Variants in SCARB1 observed in about 807,000 individuals in gnomAD.
The protein encoded by SCARB1 is scavenger receptor class B member 1.
Under a neutral mutation model 57.2 loss-of-function variants are expected in SCARB1, and 30 were observed. The ratio of observed to expected loss-of-function variants is 0.52; its 90% CI spans 0.39 to 0.71. SCARB1 has a LOEUF of 0.71. Among genes scored for constraint, SCARB1 ranks in the 30% least tolerant of loss-of-function variants. SCARB1 has a pLI of 0.00. For synonymous variants in SCARB1, 249 were observed against 268.3 expected (o/e 0.93, Z 0.70); for missense variants, 543 against 671.2 (o/e 0.81, Z 2.11).
chr12:124,786,528 A>G, intron 10 of SCARB1, 25 bp from the exon 11 acceptor site: 1 of 1,613,502 alleles, frequency 6.2e-7, no homozygotes, highest in Non-Finnish European at 8.5e-7. Context: ...TGACAAACAC[A>G]TGAGCTGGGG....
At chr12:124,857,737 C>A (rs532876051) in intron 1 of SCARB1, among the ~76,000 whole-genome samples, 1 of 152,312 alleles carries the variant, frequency 6.6e-6, no homozygotes, top group South Asian at 2.1e-4. Context: ...AAAGGAGGTG[C>A]CGTTTATTGA....
At chr12:124,791,627 G>A (rs931567917) in intron 9 of SCARB1, among the ~76,000 whole-genome samples, 7 of 152,184 alleles carry the variant, frequency 4.6e-5, no homozygotes, top group South Asian at 2.1e-4. Context: ...AAGTCACTGA[G>A]GGGCGGTGAC....
At chr12:124,788,171 G>A (rs1949590492) in intron 9 of SCARB1, among the ~76,000 whole-genome samples, 1 of 152,196 alleles carries the variant, frequency 6.6e-6, no homozygotes, top group African/African-American at 2.4e-5. Flanking sequence ...GTGTTTCGAT[G>A]TGCTGCCAGA....
intron 1 of SCARB1, among the ~76,000 whole-genome samples, chr12:124,844,407 G>A (rs1369653556): frequency 6.6e-6 from 1 of 152,134 alleles, no homozygotes; most frequent in Non-Finnish European, 1.5e-5. Flanking sequence ...GAATCCTATA[G>A]GAAGGCATGG....
intron 1 of SCARB1, among the ~76,000 whole-genome samples, chr12:124,845,654 GA>G (rs1952115560): frequency 7.6e-6 from 1 of 131,098 alleles, no homozygotes; most frequent in African/African-American, 2.9e-5. Flanking sequence ...GCAGTGAGCC[GA>G]GATCACGCCA....
In SCARB1 at chr12:124,786,445, G is replaced by T. The variant is rs1254639828; in HGVS notation, c.1313C>A (p.Pro438His). The T allele has an allele frequency of 3.7e-6, 6 of 1,614,044 alleles. No individual in the cohort carries two copies. The African/African-American group carries it at 8.0e-5, about 22-fold the overall frequency. ...GTACTGGGCATAGTGCATCACCTTG[G>T]GCATCAACACCAGCTGAGTGTAGAA... ...HTFYTQLVLMPKVMHYAQYVL... is the reference protein window; with the variant it reads ...HTFYTQLVLMHKVMHYAQYVL... Residue 438 changes from proline (P) to histidine (H), a missense_variant, in exon 11 of 13, where the codon CCC becomes CAC. Pro to His is a moderately conservative substitution (Grantham distance 77, BLOSUM62 -2). Transcript: ENST00000261693.
At chr12:124,797,202 C>T (rs1481998435) in intron 8 of SCARB1, among the ~76,000 whole-genome samples, 1 of 152,166 alleles carries the variant, frequency 6.6e-6, no homozygotes, top group Non-Finnish European at 1.5e-5. Flanking sequence ...CTGGAAGCTC[C>T]AGCCTGGCCT....
chr12:124,830,678 C>T (rs1248330105), intron 1 of SCARB1, among the ~76,000 whole-genome samples: 2 of 151,852 alleles, frequency 1.3e-5, no homozygotes, highest in Non-Finnish European at 2.9e-5. Flanking sequence ...GCGGGGGAGG[C>T]GTTTACACTT....
Position 124,817,713 on chromosome 12 carries a change from G to A in SCARB1, c.127-6C>T, listed in dbSNP as rs1256689411. The A allele has an allele frequency of 1.2e-6, 2 of 1,614,164 alleles. No individual in the cohort carries two copies. Among genetic ancestry groups the A allele is most frequent in the Middle Eastern group, 1.6e-4 (1 of 6,062 alleles). On this transcript the variant is annotated splice_region_variant and splice_polypyrimidine_tract_variant and intron_variant, in intron 1 of 12. Coordinates refer to ENST00000261693, the MANE Select transcript of SCARB1 (RefSeq NM_005505.5). The surrounding 1 kb of genome is among the most constrained non-coding windows in gnomAD (Gnocchi z 4.8). ...CTGGGGTCGATGCGCACGTTCTGCA[G>A]GGGAAGGGACAAGTACGCTTGTGAG... is the stretch of plus-strand genomic sequence containing the variant.
intron 1 of SCARB1, among the ~76,000 whole-genome samples, chr12:124,831,081 T>G (rs1322957421): frequency 6.6e-6 from 1 of 151,922 alleles, no homozygotes; most frequent in African/African-American, 2.4e-5. Context: ...GTTCAAGCAA[T>G]TCTCCTGCCT....
chr12:124,850,557 C>A (rs1952352589), intron 1 of SCARB1, among the ~76,000 whole-genome samples: 1 of 152,168 alleles, frequency 6.6e-6, no homozygotes, highest in African/African-American at 2.4e-5. Flanking sequence ...GTAATCCCAG[C>A]TACTTGGGAG....
intron 1 of SCARB1, among the ~76,000 whole-genome samples, chr12:124,863,106 C>A (rs1429080122): frequency 1.3e-5 from 2 of 152,214 alleles, no homozygotes; most frequent in African/African-American, 4.8e-5. Context: ...GTGAGCTGGG[C>A]ACCCACGTGG....
At position 124,855,624 on chromosome 12, in the gene SCARB1, G is replaced by A. The variant is rs144211154; in HGVS notation, c.126+7971C>T. The stretch of plus-strand genomic sequence containing the variant: ...TTTTGATTTTTGACTGAGCCCTAGC[G>A]TTGAATTCTCCGCACAATTAATGTG... On this transcript the variant is annotated intron_variant, in intron 1 of 12. Transcript: ENST00000261693. Among the ~76,000 whole-genome samples the A allele has an allele frequency of 5.9e-5, 9 of 152,282 alleles. No individual in the cohort carries two copies. In the East Asian group the frequency reaches 1.4e-3, roughly 23 times the overall value.
At chr12:124,832,845 C>A (rs10773107) in intron 1 of SCARB1, among the ~76,000 whole-genome samples, 61,395 of 151,816 alleles carry the variant, frequency 0.4, 13,888 homozygotes, top group Middle Eastern at 0.63. Flanking sequence ...CTTCCCACTG[C>A]TGCTGTAAGA....
intron 1 of SCARB1, among the ~76,000 whole-genome samples, chr12:124,820,503 C>T (rs572847375): frequency 9.2e-5 from 14 of 152,208 alleles, no homozygotes; most frequent in Non-Finnish European, 1.5e-4. Context: ...CCCACAGGCA[C>T]CAGCTCCAGC....
chr12:124,795,470 C>T (rs1346361404), intron 8 of SCARB1, among the ~76,000 whole-genome samples: 1 of 152,194 alleles, frequency 6.6e-6, no homozygotes, highest in African/African-American at 2.4e-5. Flanking sequence ...ACTGGGATCT[C>T]CTCTCCTGAT....
chr12:124,816,907 T>C (rs1392441192), intron 2 of SCARB1, among the ~76,000 whole-genome samples: 1 of 151,908 alleles, frequency 6.6e-6, no homozygotes, highest in African/African-American at 2.4e-5. Context: ...GGCACAACTC[T>C]GTGGTCCTTG....
intron 1 of SCARB1, among the ~76,000 whole-genome samples, chr12:124,837,573 GAAAAGAAAAGAAAAGAAAAGA>G (rs532867575): frequency 0.43 from 27,414 of 64,442 alleles, 4,417 homozygotes; most frequent in African/African-American, 0.46. Context: ...GAAAAGAAAA[GAAAAGAAAAGAAAAGAAAAGA>G]AAAGTCAGCC....
intron 1 of SCARB1, among the ~76,000 whole-genome samples, chr12:124,825,501 T>C (rs1951122247): frequency 1.3e-5 from 2 of 151,832 alleles, no homozygotes; most frequent in South Asian, 2.1e-4. Context: ...TGCAACCCCG[T>C]CTCTACTAAA....
Sources: gnomAD v4.1 joint callset for allele counts (sites outside exome capture counted in the v4.1 genomes callset) on GRCh38, gnomAD v4.1.1 for gene constraint, Gnocchi (gnomAD v3.1) non-coding constraint, MANE v1.5 for transcripts, NCBI Gene and HGNC (gene_info 2026-07-23, HGNC 2026-07-21) for gene names.